The following TTLL5 variants were observed in gnomAD, a reference collection of about 807,000 sequenced individuals.
The protein encoded by TTLL5 is tubulin polyglutamylase TTLL5.
In TTLL5, 132 loss-of-function variants were observed where a neutral mutation model predicts 168.4. That is an observed-to-expected ratio of 0.78 (90% CI 0.68 to 0.91). The LOEUF (loss-of-function observed/expected upper bound fraction) is 0.91. Ranked by LOEUF, TTLL5 falls within the 40% of genes least tolerant of loss-of-function variation. TTLL5 has a pLI of 0.00. For missense variants in TTLL5, 1,545 were observed against 1,581.5 expected (o/e 0.98, Z 0.39); for synonymous variants, 546 against 558.6 (o/e 0.98, Z 0.32).
At chr14:75,662,837 A>C (rs1218063876) in intron 1 of TTLL5, among the ~76,000 whole-genome samples, 1 of 152,158 alleles carries the variant, frequency 6.6e-6, no homozygotes, top group Non-Finnish European at 1.5e-5. Flanking sequence ...AAATATATAG[A>C]GCACAGACTG....
chr14:75,920,232 A>G (rs2033778143), intron 31 of TTLL5, among the ~76,000 whole-genome samples: 1 of 152,260 alleles, frequency 6.6e-6, no homozygotes, highest in Admixed American at 6.5e-5. Flanking sequence ...TCCAGAATAT[A>G]TACAGACCTC....
chr14:75,944,205 G>A (rs985370821), intron 31 of TTLL5, among the ~76,000 whole-genome samples: 3 of 152,170 alleles, frequency 2.0e-5, no homozygotes, highest in African/African-American at 4.8e-5. Context: ...ATTCACTGCC[G>A]CTAACATATT....
intron 18 of TTLL5, among the ~76,000 whole-genome samples, chr14:75,762,465 T>C (rs141747804): frequency 0.013 from 2,005 of 152,316 alleles, 23 homozygotes; most frequent in Non-Finnish European, 0.021. Flanking sequence ...ATCCAACTTA[T>C]TTTTAGGAAA....
intron 27 of TTLL5, among the ~76,000 whole-genome samples, chr14:75,799,375 A>G (rs914301029): frequency 3.5e-4 from 54 of 152,240 alleles, no homozygotes; most frequent in Admixed American, 1.2e-3. Context: ...TATGTGTTAG[A>G]TGAGTTTCCT....
At chr14:75,805,936 T>TTA (rs1158874265) in intron 27 of TTLL5, among the ~76,000 whole-genome samples, 3 of 152,180 alleles carry the variant, frequency 2.0e-5, no homozygotes, top group Admixed American at 2.0e-4. Flanking sequence ...AGGCCTTTAT[T>TTA]ATCTCTTGGA....
intron 28 of TTLL5, among the ~76,000 whole-genome samples, chr14:75,860,722 A>G (rs1566634345): frequency 6.7e-6 from 1 of 148,392 alleles, no homozygotes; most frequent in Non-Finnish European, 1.5e-5. Flanking sequence ...GAACCTAGAT[A>G]CCTTTCTTGG....
chr14:75,747,968 A>G (rs1889712821), intron 17 of TTLL5, among the ~76,000 whole-genome samples: 1 of 151,862 alleles, frequency 6.6e-6, no homozygotes, highest in Non-Finnish European at 1.5e-5. Flanking sequence ...AATTCTAGCT[A>G]CTCCCTAGAA....
At chr14:75,839,749 C>T (rs1896116236) in intron 28 of TTLL5, among the ~76,000 whole-genome samples, 1 of 152,164 alleles carries the variant, frequency 6.6e-6, no homozygotes, top group African/African-American at 2.4e-5. Context: ...GGGGCACAAC[C>T]AAATCATATC....
At chr14:75,894,913 G>A (rs1443594738) in intron 30 of TTLL5, among the ~76,000 whole-genome samples, 1 of 152,008 alleles carries the variant, frequency 6.6e-6, no homozygotes, top group Non-Finnish European at 1.5e-5. Flanking sequence ...TAAAAATATA[G>A]AAACCAAAAG....
chr14:75,949,437 A>G (rs1354134193), intron 31 of TTLL5, among the ~76,000 whole-genome samples: 3 of 140,764 alleles, frequency 2.1e-5, no homozygotes, highest in African/African-American at 5.2e-5. Context: ...TATATTCTAT[A>G]TATATATATT....
At chr14:75,787,754 CAA>C (rs943872239) in intron 26 of TTLL5, among the ~76,000 whole-genome samples, 1 of 152,160 alleles carries the variant, frequency 6.6e-6, no homozygotes, top group Non-Finnish European at 1.5e-5. Context: ...ACATCATAAA[CAA>C]GAGAACAAAT....
intron 28 of TTLL5, among the ~76,000 whole-genome samples, chr14:75,862,011 ATTC>A (rs1353063629): frequency 6.6e-6 from 1 of 152,168 alleles, no homozygotes; most frequent in Non-Finnish European, 1.5e-5. Context: ...ATGACTTCCT[ATTC>A]CCTAATTCCA....
intron 20 of TTLL5, among the ~76,000 whole-genome samples, chr14:75,770,888 G>A (rs1355493631): frequency 6.6e-6 from 1 of 152,178 alleles, no homozygotes; most frequent in Non-Finnish European, 1.5e-5. Flanking sequence ...TTGTAGTTGA[G>A]AACAGTGTGG....
At chr14:75,873,142 C>T (rs910496349) in intron 29 of TTLL5, among the ~76,000 whole-genome samples, 22 of 149,776 alleles carry the variant, frequency 1.5e-4, no homozygotes, top group African/African-American at 3.0e-4. Flanking sequence ...GGCTCAATCT[C>T]GGCTCATTGC....
chr14:75,792,892 G>T, intron 26 of TTLL5, 24 bp from the exon 27 acceptor site: 1 of 1,516,634 alleles, frequency 6.6e-7, no homozygotes, highest in Non-Finnish European at 8.9e-7. Flanking sequence ...CTAAATGAGT[G>T]AAAACTTTTC....
intron 28 of TTLL5, among the ~76,000 whole-genome samples, chr14:75,850,406 CAAAAAAA>C (rs35336374): frequency 4.3e-4 from 39 of 91,274 alleles, no homozygotes; most frequent in African/African-American, 1.8e-3. Flanking sequence ...AACTCCGTCT[CAAAAAAA>C]AAAAAAAAAA....
intron 18 of TTLL5, among the ~76,000 whole-genome samples, chr14:75,754,801 A>G (rs1052214772): frequency 6.6e-6 from 1 of 152,202 alleles, no homozygotes; most frequent in African/African-American, 2.4e-5. Context: ...ATGAAGTCAC[A>G]TTAATCCACT....
intron 7 of TTLL5, among the ~76,000 whole-genome samples, chr14:75,699,529 A>G (rs1012651264): frequency 1.3e-4 from 20 of 152,226 alleles, no homozygotes; most frequent in African/African-American, 4.8e-4. Context: ...TGTCAGCAGA[A>G]AAGAGGTACC....
At chr14:75,814,042 TC>T (rs1894230534) in intron 27 of TTLL5, among the ~76,000 whole-genome samples, 1 of 152,140 alleles carries the variant, frequency 6.6e-6, no homozygotes. Context: ...AAATCCAAAA[TC>T]CAAACTGCTC....
Sources: gnomAD v4.1 joint callset for allele counts (sites outside exome capture counted in the v4.1 genomes callset) on GRCh38, gnomAD v4.1.1 for gene constraint, MANE v1.5 for transcripts, NCBI Gene and HGNC (gene_info 2026-07-23, HGNC 2026-07-21) for gene names.